Variants in TMEM181 observed in about 807,000 individuals in gnomAD.
TMEM181 encodes the protein G protein-coupled receptor 178.
A neutral mutation model predicts 71.9 loss-of-function variants in TMEM181; 39 were observed. That is an observed-to-expected ratio of 0.54 (90% CI 0.42 to 0.71). The LOEUF (loss-of-function observed/expected upper bound fraction) is 0.71, where lower values mean the gene tolerates loss of function less well. Among genes scored for constraint, TMEM181 ranks in the 30% least tolerant of loss-of-function variants. The pLI is 0.00. For synonymous variants in TMEM181, 245 were observed against 228.8 expected (o/e 1.07, Z -0.64); for missense variants, 595 against 583.0 (o/e 1.02, Z -0.21).
Position 158,631,860 on chromosome 6 carries a change from A to C in TMEM181, c.1400A>C (p.Lys467Thr), listed in dbSNP as rs201122405. 7.3e-5 allele frequency: 117 copies of C among 1,597,766 alleles called. No homozygotes were observed. In the African/African-American group the frequency reaches 1.5e-3, roughly 20 times the overall value. The change falls in exon 17 of 17, where the codon AAG becomes ACG. Residue 467 changes from lysine to threonine, a missense_variant. Transcript: ENST00000684151. ...CAGAACGGCCAGGCCATCCGGGCCA[A>C]GTACAAGGAGGAGTCAGATAGTGAC... ...PLQNGQAIRA[K>T]YKEESDSD
intron 14 of TMEM181, among the ~76,000 whole-genome samples, chr6:158,629,352 A>C (rs1261910676): frequency 6.6e-6 from 1 of 152,114 alleles, no homozygotes; most frequent in Admixed American, 6.5e-5. Context: ...CCAATTCTTT[A>C]TTTCATTATT....
intron 14 of TMEM181, 140 bp downstream of exon 14, chr6:158,628,630 A>G: frequency 1.4e-6 from 1 of 700,406 alleles, no homozygotes; most frequent in Non-Finnish European, 2.4e-6. Flanking sequence ...CTCTGCTGAG[A>G]GGTGTCTCAG....
intron 10 of TMEM181, chr6:158,609,974 A>G (rs1016671825): frequency 8.9e-6 from 2 of 224,406 alleles, no homozygotes; most frequent in African/African-American, 2.3e-5. Context: ...CGACGTTGGG[A>G]AAGTACTTCA....
chr6:158,582,222 C>T (rs1783522212), intron 3 of TMEM181, among the ~76,000 whole-genome samples: 1 of 152,102 alleles, frequency 6.6e-6, no homozygotes, highest in Admixed American at 6.6e-5. Context: ...GTGGGCTTTC[C>T]TGATAGTAGT....
In TMEM181 at chr6:158,626,691, C is replaced by T. The variant is rs1041009820; in HGVS notation, c.1109+937C>T. 11 of 457,198 alleles carry T rather than the reference C, an allele frequency of 2.4e-5. No individual in the cohort carries two copies. In the East Asian group the frequency reaches 4.9e-4, roughly 20 times the overall value. 28.3% of individuals were successfully genotyped at this position (457,198 alleles called of 1,614,324 possible). ...AATGCTGCATGTGTGTTGTATTAGT[C>T]TCTGTTCAGTGCTAGGTGTGCACGT... On this transcript the variant is annotated intron_variant, in intron 13 of 16. Transcript: ENST00000684151.
intron 6 of TMEM181, among the ~76,000 whole-genome samples, chr6:158,602,415 T>G (rs1784718556): frequency 6.6e-6 from 1 of 152,176 alleles, no homozygotes; most frequent in African/African-American, 2.4e-5. Flanking sequence ...AGAAATGGAA[T>G]GGTTGGGCCA....
rs149735409 is a variant in TMEM181, at chr6:158,544,182, A to AGAGAGAGAGT, written c.131+7318_131+7319insAGAGAGAGTG. Among the ~76,000 whole-genome samples the AGAGAGAGAGT allele has an allele frequency of 5.6e-4, 71 of 127,568 alleles. 1 individual carries two copies. The highest frequency in any genetic ancestry group is 8.5e-4 in the African/African-American group (28 of 32,940). The allele number at this position is 127,568 out of a possible 152,430, so 83.7% of individuals were successfully genotyped here. On this transcript the variant is annotated intron_variant, in intron 1 of 16. Transcript: ENST00000367090. Reference sequence around the variant, plus strand: ...GGTTTCTCAGGTGCAAATTGGAGAGAGTGTGTGTGTGTGTGTGTGTGTGTG... The same window carrying AGAGAGAGAGT: ...GGTTTCTCAGGTGCAAATTGGAGAGAGAGAGAGAGTGTGTGTGTGTGTGTGTGTGTGTGTG...
chr6:158,619,306 G>T (rs1785814273), intron 10 of TMEM181, among the ~76,000 whole-genome samples: 1 of 152,130 alleles, frequency 6.6e-6, no homozygotes, highest in Non-Finnish European at 1.5e-5. Context: ...GCTTGTGCAT[G>T]CGTCACGTAG....
At chr6:158,623,409 T>A (rs1362379518) in intron 10 of TMEM181, 141 bp from the exon 11 acceptor site, 6 of 521,914 alleles carry the variant, frequency 1.1e-5, no homozygotes, top group Non-Finnish European at 1.7e-5. Flanking sequence ...AATTTAGGAT[T>A]GCTTTGTAAA....
At chr6:158,558,954 C>G (rs77721334), upstream of TMEM181, among the ~76,000 whole-genome samples, 4,201 of 152,228 alleles carry the variant, frequency 0.028, 80 homozygotes, top group Non-Finnish European at 0.043. Flanking sequence ...CTATGAAGAA[C>G]CCTTTCCCTC....
At chr6:158,563,719 T>C (rs1782320272) in intron 1 of TMEM181, among the ~76,000 whole-genome samples, 1 of 152,248 alleles carries the variant, frequency 6.6e-6, no homozygotes, top group African/African-American at 2.4e-5. Flanking sequence ...AGGATACACA[T>C]GAACTCACCA....
In TMEM181 at chr6:158,546,733, C is replaced by T. The variant is rs546983992; in HGVS notation, c.131+9868C>T. Reference sequence around the variant, plus strand: ...CAGCACTTTGGGAGGCCCAGGTGGGCGGATCACAAGGGTCAGGAGTTCGAG... The same window carrying T: ...CAGCACTTTGGGAGGCCCAGGTGGGTGGATCACAAGGGTCAGGAGTTCGAG... On this transcript the variant is annotated intron_variant, in intron 1 of 16. Transcript: ENST00000367090. Among the ~76,000 whole-genome samples the T allele has an allele frequency of 1.4e-3, 214 of 152,276 alleles. 1 individual carries two copies. Among genetic ancestry groups the T allele is most frequent in the Non-Finnish European group, 2.2e-3 (149 of 68,014 alleles).
At chr6:158,611,760 A>C in intron 10 of TMEM181, 1 of 229,284 alleles carries the variant, frequency 4.4e-6, no homozygotes, top group Non-Finnish European at 8.6e-6. Flanking sequence ...GCGGCTCAAC[A>C]GTCAAAGACA....
At chr6:158,560,046 G>A (rs541726229), upstream of TMEM181, 2 of 985,060 alleles carry the variant, frequency 2.0e-6, no homozygotes, top group Non-Finnish European at 2.4e-6. Flanking sequence ...CTCTTCCGCC[G>A]TGAGAGTCGC....
At chr6:158,556,723 A>C (rs1562617852), upstream of TMEM181, among the ~76,000 whole-genome samples, 1 of 151,974 alleles carries the variant, frequency 6.6e-6, no homozygotes, top group East Asian at 1.9e-4. Context: ...ATGCACGAGA[A>C]TCCTCTTCAT....
chr6:158,610,966 C>CGGTGGTCG, intron 10 of TMEM181: 11 of 433,414 alleles, frequency 2.5e-5, no homozygotes, highest in South Asian at 3.9e-5. Context: ...GTGGAGATCT[C>CGGTGGTCG]CAGATCAGAC....
At chr6:158,615,374 C>G (rs539156062) in intron 10 of TMEM181, among the ~76,000 whole-genome samples, 2 of 152,168 alleles carry the variant, frequency 1.3e-5, no homozygotes, top group East Asian at 1.9e-4. Context: ...TTTGTAGATT[C>G]TGGATATTAG....
chr6:158,589,885 G>A (rs1784009575), intron 6 of TMEM181, 103 bp downstream of exon 6: 5 of 815,354 alleles, frequency 6.1e-6, no homozygotes, highest in Middle Eastern at 2.3e-4. Context: ...ATGTTAATTT[G>A]GACAGTGGAG....
At chr6:158,574,259 CA>C (rs1783040480) in intron 2 of TMEM181, among the ~76,000 whole-genome samples, 1 of 152,196 alleles carries the variant, frequency 6.6e-6, no homozygotes, top group Non-Finnish European at 1.5e-5. Flanking sequence ...ATTTGTGCCT[CA>C]AAAGGTTAGT....
Sources: gnomAD v4.1 joint callset for allele counts (sites outside exome capture counted in the v4.1 genomes callset) on GRCh38, gnomAD v4.1.1 for gene constraint, MANE v1.5 for transcripts, NCBI Gene and HGNC (gene_info 2026-07-23, HGNC 2026-07-21) for gene names.